The following PVT1 variants were observed in gnomAD, a reference collection of about 807,000 sequenced individuals.
The protein encoded by PVT1 is Pvt1 oncogene, also known as CXCR4/PVT1 fusion.
At chr8:127,867,491 T>A (rs1236355462) in intron 2 of PVT1, among the ~76,000 whole-genome samples, 1 of 152,240 alleles carries the variant, frequency 6.6e-6, no homozygotes, top group Non-Finnish European at 1.5e-5. Context: ...CAATGAGCGA[T>A]GCTTCTGGAG....
chr8:127,889,129 CT>C (rs1815567051), intron 2 of PVT1, among the ~76,000 whole-genome samples: 1 of 144,312 alleles, frequency 6.9e-6, no homozygotes, highest in African/African-American at 2.6e-5. Context: ...CTCTTTCTTT[CT>C]TTCTTCTTTT....
At chr8:127,997,996 C>A (rs73355654) in intron 4 of PVT1, among the ~76,000 whole-genome samples, 7,252 of 152,148 alleles carry the variant, frequency 0.048, 599 homozygotes, top group African/African-American at 0.17. Context: ...GATTCTTCTT[C>A]TTATTAGATT....
At chr8:127,803,723 G>GT (rs11395238) in intron 2 of PVT1, among the ~76,000 whole-genome samples, 94,283 of 141,820 alleles carry the variant, frequency 0.66, 31,592 homozygotes, top group Non-Finnish European at 0.7. Context: ...TGTCTCTACA[G>GT]TTTTTTTTTT....
chr8:127,986,343 G>A (rs1033777992), intron 3 of PVT1, among the ~76,000 whole-genome samples: 2 of 152,176 alleles, frequency 1.3e-5, no homozygotes, highest in African/African-American at 4.8e-5. Flanking sequence ...TCAAAGCACA[G>A]CGTTGGGCCC....
At chr8:128,025,433 G>A (rs1036396135) in intron 4 of PVT1, among the ~76,000 whole-genome samples, 1 of 152,088 alleles carries the variant, frequency 6.6e-6, no homozygotes, top group South Asian at 2.1e-4. Context: ...AACAAACACT[G>A]GCAAGGTGCC....
At chr8:127,995,394 A>G (rs1186606976) in intron 4 of PVT1, among the ~76,000 whole-genome samples, 9 of 152,184 alleles carry the variant, frequency 5.9e-5, no homozygotes, top group Admixed American at 5.2e-4. Flanking sequence ...GGGATTAGAG[A>G]CAGCTCTTGA....
At chr8:127,942,761 G>A (rs185525429) in intron 3 of PVT1, among the ~76,000 whole-genome samples, 102 of 152,278 alleles carry the variant, frequency 6.7e-4, no homozygotes, top group African/African-American at 2.3e-3. Context: ...CAGTGGGAAA[G>A]ACTGTGAGAT....
intron 2 of PVT1, among the ~76,000 whole-genome samples, chr8:127,869,938 A>G (rs1237172085): frequency 1.3e-5 from 2 of 151,988 alleles, no homozygotes; most frequent in Admixed American, 1.3e-4. Flanking sequence ...CGAGTAGCTG[A>G]GATTACAGGC....
intron 4 of PVT1, among the ~76,000 whole-genome samples, chr8:128,034,142 A>G (rs1443618986): frequency 6.6e-6 from 1 of 150,976 alleles, no homozygotes; most frequent in Non-Finnish European, 1.5e-5. Context: ...TAGAAACAAG[A>G]TGTTCTCTAC....
intron 3 of PVT1, among the ~76,000 whole-genome samples, chr8:127,958,426 G>A (rs1816597511): frequency 6.6e-6 from 1 of 152,090 alleles, no homozygotes; most frequent in African/African-American, 2.4e-5. Context: ...TTTTATTGGA[G>A]CTGGGGTTTC....
chr8:128,016,267 A>T (rs1297275638), intron 4 of PVT1, among the ~76,000 whole-genome samples: 1 of 150,738 alleles, frequency 6.6e-6, no homozygotes, highest in East Asian at 1.9e-4. Flanking sequence ...ACAGACCAAG[A>T]CCCTGTCTCA....
At chr8:128,058,431 T>C (rs1357190378) in intron 4 of PVT1, among the ~76,000 whole-genome samples, 1 of 152,040 alleles carries the variant, frequency 6.6e-6, no homozygotes, top group Non-Finnish European at 1.5e-5. Context: ...TGGTGGTATA[T>C]ATATTAGTTT....
At chr8:127,973,198 T>G (rs1316798646) in intron 3 of PVT1, among the ~76,000 whole-genome samples, 2 of 152,158 alleles carry the variant, frequency 1.3e-5, no homozygotes, top group Admixed American at 6.5e-5. Flanking sequence ...GCCTGGCTGT[T>G]CAGCTGCATT....
At chr8:128,059,516 G>T (rs902275870) in intron 4 of PVT1, among the ~76,000 whole-genome samples, 14 of 152,236 alleles carry the variant, frequency 9.2e-5, no homozygotes, top group African/African-American at 3.4e-4. Flanking sequence ...CATGAAATGA[G>T]AATGGAAATT....
At chr8:128,092,178 C>G (rs370652464) in intron 5 of PVT1, among the ~76,000 whole-genome samples, 1 of 152,166 alleles carries the variant, frequency 6.6e-6, no homozygotes, top group Non-Finnish European at 1.5e-5. Context: ...AGCCAGCCCC[C>G]CTGCTGTTTC....
At chr8:127,889,912 CT>C (rs1357042125) in intron 2 of PVT1, among the ~76,000 whole-genome samples, 1 of 152,166 alleles carries the variant, frequency 6.6e-6, no homozygotes, top group East Asian at 1.9e-4. Context: ...GCCTCCAGCC[CT>C]AGGCATTGTG....
In PVT1 at chr8:127,957,959, T is replaced by A. The variant is rs137991973; in HGVS notation, n.783-31203T>A. Among the ~76,000 whole-genome samples, 7 of 152,320 alleles carry A rather than the reference T, an allele frequency of 4.6e-5. No homozygotes were observed. The East Asian group carries it at 1.4e-3, about 29-fold the overall frequency. ...CAGACATGTTCTCAGATCTTGGCCA[T>A]GGTTTCTAATTCCCTGGCACCAGAA... On this transcript the variant is annotated intron_variant and non_coding_transcript_variant, in intron 3 of 10. Coordinates refer to ENST00000651587, the Ensembl canonical transcript of PVT1.
chr8:127,801,241 T>A (rs945270348), intron 2 of PVT1, among the ~76,000 whole-genome samples: 1 of 152,120 alleles, frequency 6.6e-6, no homozygotes, highest in Non-Finnish European at 1.5e-5. Context: ...GTTTTTTGTT[T>A]TTGTTTTTTG....
intron 3 of PVT1, among the ~76,000 whole-genome samples, chr8:127,910,731 T>C (rs1489919997): frequency 1.3e-5 from 2 of 152,176 alleles, no homozygotes; most frequent in Non-Finnish European, 2.9e-5. Flanking sequence ...GTGCTATAAT[T>C]AGCCCCATTT....
Sources: gnomAD v4.1 joint callset for allele counts (sites outside exome capture counted in the v4.1 genomes callset) on GRCh38, gnomAD v4.1.1 for gene constraint, MANE v1.5 for transcripts, NCBI Gene and HGNC (gene_info 2026-07-23, HGNC 2026-07-21) for gene names.